Variants in SKIL observed in about 807,000 individuals in gnomAD.
SKIL encodes the protein ski-like protein.
A neutral mutation model predicts 69.6 loss-of-function variants in SKIL; 20 were observed. That is an observed-to-expected ratio of 0.29 (90% CI 0.20 to 0.42). The LOEUF (loss-of-function observed/expected upper bound fraction) is 0.42. Ranked by LOEUF, SKIL falls within the 10% of genes least tolerant of loss-of-function variation. The pLI is 1.00. For synonymous variants in SKIL, 310 were observed against 279.9 expected, an observed-to-expected ratio of 1.11 and a Z score of -1.08; for missense variants, 745 against 783.1, an observed-to-expected ratio of 0.95 and a Z score of 0.58.
chr3:170,387,610 A>G (rs1010869812), intron 4 of SKIL, among the ~76,000 whole-genome samples: 8 of 151,800 alleles, frequency 5.3e-5, no homozygotes, highest in Admixed American at 2.0e-4. Flanking sequence ...CATTGGGTCT[A>G]CTTTTTGGCA....
intron 4 of SKIL, among the ~76,000 whole-genome samples, chr3:170,385,645 C>T (rs921585323): frequency 1.3e-5 from 2 of 152,094 alleles, no homozygotes; most frequent in African/African-American, 4.8e-5. Flanking sequence ...CAGATATTGC[C>T]TGTGTTACCA....
At chr3:170,388,752 A>G (rs1204450203) in intron 4 of SKIL, among the ~76,000 whole-genome samples, 1 of 151,960 alleles carries the variant, frequency 6.6e-6, no homozygotes, top group African/African-American at 2.4e-5. Context: ...TTTGAAGCAC[A>G]AAAGTTTTAA....
At position 170,360,427 on chromosome 3, in the gene SKIL, G is replaced by T. The variant is rs369893260; in HGVS notation, c.96G>T (p.Met32Ile). The T allele has an allele frequency of 9.9e-6, 16 of 1,613,560 alleles. No individual in the cohort carries two copies. Among genetic ancestry groups the T allele is most frequent in the Non-Finnish European group, 1.2e-5 (14 of 1,179,778 alleles). The change falls in exon 2 of 7, where the codon ATG becomes ATT. Residue 32 changes from methionine (M) to isoleucine (I), a missense_variant. Physicochemically the swap from Met to Ile is conservative, Grantham distance 10. Coordinates refer to ENST00000259119, the MANE Select transcript of SKIL (RefSeq NM_005414.5). ...ATGGCAGCCCCCCAGCGAAAAAAAT[G>T]ATAACGGACATTCATGCAAATGGAA... ...GDDGSPPAKK[M>I]ITDIHANGKT...
chr3:170,367,422 C>T (rs1033946145), intron 2 of SKIL, among the ~76,000 whole-genome samples: 2 of 150,118 alleles, frequency 1.3e-5, no homozygotes, highest in African/African-American at 4.9e-5. Flanking sequence ...TAGCATGTGG[C>T]TGACAGTCTC....
chr3:170,367,511 G>A (rs1352448753), intron 2 of SKIL, among the ~76,000 whole-genome samples: 3 of 149,158 alleles, frequency 2.0e-5, no homozygotes, highest in African/African-American at 7.4e-5. Flanking sequence ...TTGTTGCCCA[G>A]GCTGGAGTGC....
chr3:170,378,032 T>TA (rs1324856304), intron 2 of SKIL, among the ~76,000 whole-genome samples: 2 of 152,042 alleles, frequency 1.3e-5, no homozygotes, highest in African/African-American at 4.8e-5. Context: ...TAGCTAGGAT[T>TA]ACAGGTGCGT....
In SKIL at chr3:170,394,524, C is replaced by T. The variant is rs938317287; in HGVS notation, c.*2107C>T. 6.6e-6 allele frequency: 1 copy of T among 151,828 alleles called. No homozygotes were observed. Among genetic ancestry groups the T allele is most frequent in the Non-Finnish European group, 1.5e-5 (1 of 67,974 alleles). The allele number at this position is 151,828 out of a possible 1,614,324, so 9.4% of individuals were successfully genotyped here. Reference sequence around the variant, plus strand: ...CCTAGAAAATGATAATTTGTTTAACCCAAAACTTCTAAAATAAATTGCTTA... The same window carrying T: ...CCTAGAAAATGATAATTTGTTTAACTCAAAACTTCTAAAATAAATTGCTTA... On this transcript the variant is annotated 3_prime_UTR_variant, in exon 7 of 7. Coordinates refer to ENST00000259119, the MANE Select transcript of SKIL (RefSeq NM_005414.5).
chr3:170,367,552 C>A (rs1023290512), intron 2 of SKIL, among the ~76,000 whole-genome samples: 2 of 151,716 alleles, frequency 1.3e-5, no homozygotes, highest in Non-Finnish European at 2.9e-5. Context: ...CTGCAACTTC[C>A]GCCTCCCAGG....
chr3:170,385,099 T>C (rs1737551567), intron 4 of SKIL: 1 of 187,274 alleles, frequency 5.3e-6, no homozygotes, highest in Non-Finnish European at 1.1e-5. Flanking sequence ...TTTTTCTTTT[T>C]TTGTGACAGA....
At chr3:170,387,457 A>G (rs542142823) in intron 4 of SKIL, among the ~76,000 whole-genome samples, 2 of 152,280 alleles carry the variant, frequency 1.3e-5, no homozygotes, top group East Asian at 3.9e-4. Context: ...TGTCTGGTCA[A>G]GAAGCTTATG....
chr3:170,374,472 A>G (rs1393198837), intron 2 of SKIL, among the ~76,000 whole-genome samples: 1 of 152,244 alleles, frequency 6.6e-6, no homozygotes, highest in Non-Finnish European at 1.5e-5. Context: ...AAATTTAAAT[A>G]CACATAAAAA....
At chr3:170,374,967 C>G (rs965033434) in intron 2 of SKIL, among the ~76,000 whole-genome samples, 8 of 152,116 alleles carry the variant, frequency 5.3e-5, no homozygotes, top group African/African-American at 1.9e-4. Flanking sequence ...AAAAGGCTAC[C>G]TTGGGAATTA....
At chr3:170,361,767 A>G (rs1326503357) in intron 2 of SKIL, among the ~76,000 whole-genome samples, 2 of 129,958 alleles carry the variant, frequency 1.5e-5, no homozygotes, top group Non-Finnish European at 3.2e-5. Flanking sequence ...TTGTGCTTTT[A>G]GTAGAGGCCA....
intron 4 of SKIL, among the ~76,000 whole-genome samples, chr3:170,386,124 TTTG>T (rs1737619645): frequency 6.8e-6 from 1 of 147,334 alleles, no homozygotes; most frequent in South Asian, 2.1e-4. Context: ...TTCTGGTTTT[TTTG>T]TTTGTTTGTT....
At chr3:170,390,185 A>G (rs768037192) in intron 4 of SKIL, 38 bp from the exon 5 acceptor site, 1 of 1,455,534 alleles carries the variant, frequency 6.9e-7, no homozygotes, top group Non-Finnish European at 9.6e-7. Context: ...TAATGGAGTG[A>G]TATTCATACT....
chr3:170,364,113 G>T (rs1005884723), intron 2 of SKIL, among the ~76,000 whole-genome samples: 5 of 152,084 alleles, frequency 3.3e-5, no homozygotes, highest in African/African-American at 9.7e-5. Flanking sequence ...GCCATGCCCA[G>T]CTAATTTCTT....
rs752630359 is a variant in SKIL at position 170,390,433 on chromosome 3, T to C, written c.1640T>C (p.Leu547Ser). 19 of 1,612,066 alleles carry C rather than the reference T, an allele frequency of 1.2e-5. No homozygotes were observed. Among genetic ancestry groups the C allele is most frequent in the Non-Finnish European group, 1.6e-5 (19 of 1,178,408 alleles). ...TYLKQQEKLN[L>S]ILQKKQQLQM... ...TTAAAACAACAGGAAAAACTAAACT[T>C]GATTTTGCAAAAGAAGCAACAACTT... Residue 547 changes from leucine to serine, a missense_variant, in exon 5 of 7, where the codon TTG (leucine) becomes TCG (serine). By Grantham distance (145) the Leu-to-Ser change is moderately radical. Coordinates refer to ENST00000259119, the MANE Select transcript of SKIL (RefSeq NM_005414.5).
intron 3 of SKIL, among the ~76,000 whole-genome samples, chr3:170,381,558 G>A (rs775695245): frequency 4.6e-5 from 7 of 151,530 alleles, no homozygotes; most frequent in Non-Finnish European, 1.0e-4. Context: ...TCAGCCTCCC[G>A]AGTAGCGGGG....
chr3:170,376,167 C>T (rs1198824972), intron 2 of SKIL, among the ~76,000 whole-genome samples: 1 of 151,444 alleles, frequency 6.6e-6, no homozygotes, highest in Non-Finnish European at 1.5e-5. Context: ...CCTGCCTCAG[C>T]CTCCCGAGTA....
Sources: allele counts gnomAD v4.1 joint callset (sites outside exome capture counted in the v4.1 genomes callset), GRCh38; gene constraint gnomAD v4.1.1; transcripts MANE v1.5; gene names NCBI Gene and HGNC (gene_info 2026-07-23, HGNC 2026-07-21).